Variants in DENND2B observed in about 807,000 individuals in gnomAD.
DENND2B encodes DENN domain containing 2B, also known as DENN domain-containing protein 2B.
In DENND2B, 32 loss-of-function variants were observed where a neutral mutation model predicts 116.0. The observed-to-expected ratio is 0.28, with a 90% CI of 0.21 to 0.37. The LOEUF (loss-of-function observed/expected upper bound fraction) is 0.37. DENND2B is among the 10% of genes least tolerant of loss of function. The probability of loss-of-function intolerance (pLI) is 1.00; values close to 1 mark genes in which losing one functional copy is unlikely to be tolerated. For missense variants in DENND2B, 1,276 were observed against 1,477.7 expected, an observed-to-expected ratio of 0.86 and a Z score of 2.24; for synonymous variants, 588 against 583.9, an observed-to-expected ratio of 1.01 and a Z score of -0.10.
Position 8,712,467 on chromosome 11 carries a change from T to G in DENND2B, c.2172+84A>C. The G allele has an allele frequency of 7.1e-7, 1 of 1,414,526 alleles. No individual in the cohort carries two copies. The highest frequency in any genetic ancestry group is 2.5e-5 in the East Asian group (1 of 39,868). The allele number at this position is 1,414,526 out of a possible 1,614,324, so 87.6% of individuals were successfully genotyped here. A position where few individuals can be genotyped will look rare whatever the true frequency, so the allele number is the denominator to read the frequency against. On this transcript the variant is annotated intron_variant, in intron 9 of 19. Coordinates refer to ENST00000313726, the MANE Select transcript of DENND2B (RefSeq NM_213618.2). The surrounding 1 kb of genome is among the most constrained non-coding windows in gnomAD (Gnocchi z 4.4). ...CGGTGAGGACGTATGACGAACAAGA[T>G]CTCTCTCCTTCCCCAGATAGGCCTG...
At chr11:8,731,325 CAA>C (rs957023533) in intron 2 of DENND2B, 116 bp from the exon 3 acceptor site, 16 of 1,003,648 alleles carry the variant, frequency 1.6e-5, no homozygotes, top group East Asian at 1.3e-4. Flanking sequence ...GGAGGACTCT[CAA>C]AGAGTATTCT....
chr11:8,725,228 C>T (rs2046880837), intron 4 of DENND2B, among the ~76,000 whole-genome samples: 1 of 152,100 alleles, frequency 6.6e-6, no homozygotes, highest in Non-Finnish European at 1.5e-5. Flanking sequence ...CCAATTAGGG[C>T]CCTTTTAAAA....
At chr11:8,816,641 C>T (rs1357063972) in intron 4 of DENND2B, among the ~76,000 whole-genome samples, 1 of 152,040 alleles carries the variant, frequency 6.6e-6, no homozygotes, top group African/African-American at 2.4e-5. Context: ...ATAGAAGAGC[C>T]CTTAAGGGCT....
At chr11:8,821,877 T>G (rs933228786) in intron 4 of DENND2B, among the ~76,000 whole-genome samples, 3 of 152,160 alleles carry the variant, frequency 2.0e-5, no homozygotes, top group Non-Finnish European at 4.4e-5. Context: ...CTGCAACCTC[T>G]GCCTCCCAGG....
intron 1 of DENND2B, among the ~76,000 whole-genome samples, chr11:8,794,184 C>A (rs2059621028): frequency 1.3e-5 from 2 of 152,180 alleles, no homozygotes; most frequent in African/African-American, 4.8e-5. Flanking sequence ...CGGTTTGATG[C>A]CTGCCTGCTA....
At chr11:8,872,056 C>T (rs1466958056), upstream of DENND2B, among the ~76,000 whole-genome samples, 2 of 152,198 alleles carry the variant, frequency 1.3e-5, no homozygotes, top group Admixed American at 6.5e-5. Flanking sequence ...ATTTACATTT[C>T]TAAGGAACCA....
chr11:8,890,548 G>T (rs998584277), intron 1 of DENND2B, among the ~76,000 whole-genome samples: 1 of 152,150 alleles, frequency 6.6e-6, no homozygotes, highest in Admixed American at 6.5e-5. Context: ...GTCCTTAAAT[G>T]ACCTGATGGA....
intron 1 of DENND2B, chr11:8,776,642 C>T (rs2057765521): frequency 5.2e-6 from 1 of 192,856 alleles, no homozygotes; most frequent in East Asian, 1.2e-4. Context: ...AGACTTCAAC[C>T]TTTCAAAGAA....
Position 8,906,636 on chromosome 11 carries a change from A to AT in DENND2B, c.-256+4184dup, listed in dbSNP as rs1468976681. Among the ~76,000 whole-genome samples, 3 of 152,136 alleles carry AT rather than the reference A, an allele frequency of 2.0e-5. No individual in the cohort carries two copies. In the East Asian group the frequency reaches 5.8e-4, roughly 29 times the overall value. On this transcript the variant is annotated intron_variant, in intron 1 of 22. Coordinates refer to the DENND2B transcript ENST00000534127. Reference sequence around the variant, plus strand: ...TTCAATCATTCCTGCTCTGCAACCAATTTTTTTAACTCCCAGTCAATTTTA... The same window carrying AT: ...TTCAATCATTCCTGCTCTGCAACCAATTTTTTTTAACTCCCAGTCAATTTTA...
intron 1 of DENND2B, chr11:8,774,009 G>A (rs1447765948): frequency 1.5e-6 from 1 of 663,160 alleles, no homozygotes; most frequent in African/African-American, 2.0e-5. Flanking sequence ...CTTTGGATGT[G>A]TTGCCTACCC....
chr11:8,890,044 C>T (rs890491118), intron 1 of DENND2B, among the ~76,000 whole-genome samples: 2 of 152,200 alleles, frequency 1.3e-5, no homozygotes, highest in Non-Finnish European at 2.9e-5. Context: ...TGAGACAAAA[C>T]TTCCAGGGGA....
chr11:8,891,714 A>C (rs532749407), intron 1 of DENND2B, among the ~76,000 whole-genome samples: 22 of 152,374 alleles, frequency 1.4e-4, no homozygotes, highest in African/African-American at 5.3e-4. Context: ...ATATGCACCC[A>C]ATACAGAAGC....
At chr11:8,797,750 C>T (rs1180642410) in intron 1 of DENND2B, among the ~76,000 whole-genome samples, 4 of 151,966 alleles carry the variant, frequency 2.6e-5, no homozygotes, top group African/African-American at 7.3e-5. Context: ...ATGCCCAGCA[C>T]CCTACTCTTT....
intron 2 of DENND2B, among the ~76,000 whole-genome samples, chr11:8,743,777 A>T (rs1030530495): frequency 6.6e-6 from 1 of 151,492 alleles, no homozygotes; most frequent in Admixed American, 6.6e-5. Flanking sequence ...CTTTGAAACA[A>T]AGTCTGGCCC....
intron 1 of DENND2B, among the ~76,000 whole-genome samples, chr11:8,764,998 C>T (rs1057213168): frequency 3.3e-5 from 5 of 149,788 alleles, no homozygotes; most frequent in Non-Finnish European, 7.4e-5. Context: ...GAAGGTCCAA[C>T]GCCTGGCCCC....
chr11:8,863,257 C>CT (rs56359289), intron 2 of DENND2B, among the ~76,000 whole-genome samples: 42,275 of 124,498 alleles, frequency 0.34, 9,852 homozygotes, highest in Non-Finnish European at 0.47. Context: ...ACGCCACTTT[C>CT]TTTTTTTTTT....
chr11:8,731,534 G>C (rs1204755656), intron 2 of DENND2B, among the ~76,000 whole-genome samples: 1 of 152,162 alleles, frequency 6.6e-6, no homozygotes, highest in Non-Finnish European at 1.5e-5. Flanking sequence ...AGAAAGCCCA[G>C]TGGTGTGCTG....
chr11:8,754,029 G>GTGCACACA (rs1555169750), intron 1 of DENND2B, among the ~76,000 whole-genome samples: 4 of 138,734 alleles, frequency 2.9e-5, no homozygotes, highest in African/African-American at 8.2e-5. Flanking sequence ...CCAAAAGCGC[G>GTGCACACA]CACACACACA....
intron 1 of DENND2B, among the ~76,000 whole-genome samples, chr11:8,763,936 T>C (rs571369388): frequency 2.0e-5 from 3 of 151,996 alleles, no homozygotes; most frequent in African/African-American, 7.3e-5. Flanking sequence ...TAAGAAGCAG[T>C]AGAGAGGCCA....
Sources: allele counts gnomAD v4.1 joint callset (sites outside exome capture counted in the v4.1 genomes callset), GRCh38; gene constraint gnomAD v4.1.1; non-coding constraint Gnocchi (gnomAD v3.1); transcripts MANE v1.5; gene names NCBI Gene and HGNC (gene_info 2026-07-23, HGNC 2026-07-21).